Variants in COL4A1 observed in about 807,000 individuals in gnomAD.
COL4A1 encodes collagen type IV alpha 1 chain, also known as collagen alpha-1(IV) chain.
In COL4A1, 40 loss-of-function variants were observed where a neutral mutation model predicts 216.6. That is an observed-to-expected ratio of 0.18 (90% CI 0.14 to 0.24). COL4A1 has a LOEUF of 0.24. COL4A1 is among the 10% of genes least tolerant of loss of function. The pLI is 1.00. For missense variants in COL4A1, 1,628 were observed against 2,196.8 expected, an observed-to-expected ratio of 0.74 and a Z score of 5.18; for synonymous variants, 839 against 810.7, an observed-to-expected ratio of 1.03 and a Z score of -0.59.
chr13:110,260,568 G>A (rs539464534), intron 1 of COL4A1, among the ~76,000 whole-genome samples: 1 of 152,270 alleles, frequency 6.6e-6, no homozygotes, highest in East Asian at 1.9e-4. Context: ...GCCATCTCCG[G>A]CCCAAGCTTT....
chr13:110,213,717 C>T, intron 4 of COL4A1, 65 bp downstream of exon 4: 1 of 1,529,920 alleles, frequency 6.5e-7, no homozygotes, highest in Non-Finnish European at 9.1e-7. Flanking sequence ...GAAAAGGTGC[C>T]CGGCTCTGGA....
chr13:110,278,707 A>T (rs902764698), intron 1 of COL4A1, among the ~76,000 whole-genome samples: 2 of 151,808 alleles, frequency 1.3e-5, no homozygotes, highest in Non-Finnish European at 2.9e-5. Context: ...CTTCATGGGC[A>T]TTTCCTCCTC....
At chr13:110,163,989 T>C (rs1462548782) in intron 46 of COL4A1, among the ~76,000 whole-genome samples, 13 of 56,642 alleles carry the variant, frequency 2.3e-4, no homozygotes, top group African/African-American at 1.0e-3. Context: ...TCTCTCTTTT[T>C]TTTTTTTTTT....
At chr13:110,263,129 C>T (rs944759500) in intron 1 of COL4A1, among the ~76,000 whole-genome samples, 1 of 152,188 alleles carries the variant, frequency 6.6e-6, no homozygotes, top group African/African-American at 2.4e-5. Flanking sequence ...GAACTCAAAG[C>T]CAAGAATACA....
At chr13:110,185,076 A>G (rs546835018) in intron 26 of COL4A1, among the ~76,000 whole-genome samples, 1 of 152,356 alleles carries the variant, frequency 6.6e-6, no homozygotes, top group South Asian at 2.1e-4. Flanking sequence ...GCGAGCCAGA[A>G]CGGCATGCTG....
At chr13:110,220,287 CCCAA>C in intron 2 of COL4A1, among the ~76,000 whole-genome samples, 1 of 152,254 alleles carries the variant, frequency 6.6e-6, no homozygotes, top group East Asian at 1.9e-4. Flanking sequence ...ACCTAACCTA[CCCAA>C]CATCATAGCT....
chr13:110,249,062 T>TA (rs1013442164), intron 1 of COL4A1, among the ~76,000 whole-genome samples: 16 of 151,976 alleles, frequency 1.1e-4, no homozygotes, highest in Admixed American at 1.0e-3. Context: ...AAGAATGCCC[T>TA]AAAAAAGAAT....
At chr13:110,170,460 T>A in intron 42 of COL4A1, 87 bp downstream of exon 42, 3 of 1,415,308 alleles carry the variant, frequency 2.1e-6, no homozygotes, top group Non-Finnish European at 2.9e-6. Flanking sequence ...AAAGCCCAAT[T>A]GAGAATTTAA....
intron 1 of COL4A1, among the ~76,000 whole-genome samples, chr13:110,263,763 T>C (rs1014190194): frequency 5.3e-5 from 8 of 152,262 alleles, no homozygotes; most frequent in African/African-American, 1.4e-4. Flanking sequence ...AAATGGCATA[T>C]TATTTTATAG....
Position 110,233,659 on chromosome 13 carries a change from G to A in COL4A1, c.144+9016C>T, listed in dbSNP as rs139763555. Among the ~76,000 whole-genome samples the A allele has an allele frequency of 1.0e-3, 157 of 152,250 alleles. 1 individual carries two copies. Among genetic ancestry groups the A allele is most frequent in the African/African-American group, 3.4e-3 (143 of 41,560 alleles). On this transcript the variant is annotated intron_variant, in intron 2 of 51. Transcript: ENST00000375820. ...TGGGGAGTTGAAGAAAAGGAGAGTC[G>A]TTTTCCTCACATTTTAAGGGGTAAT...
At position 110,150,186 on chromosome 13, in the gene COL4A1, T is replaced by G. The variant is rs1476938845; in HGVS notation, c.*177A>C. The G allele has an allele frequency of 5.9e-6, 4 of 681,220 alleles. No homozygotes were observed. The African/African-American group carries it at 7.1e-5, about 12-fold the overall frequency. The allele number at this position is 681,220 out of a possible 1,614,324, so 42.2% of individuals were successfully genotyped here. On this transcript the variant is annotated 3_prime_UTR_variant, in exon 52 of 52. Transcript: ENST00000375820. Reference sequence around the variant, plus strand: ...AAAGCTTATCGCTGTCTTTTTCTCCTTCAGCAAGTAGAGGTCAATGAAGCA... The same window carrying G: ...AAAGCTTATCGCTGTCTTTTTCTCCGTCAGCAAGTAGAGGTCAATGAAGCA...
rs148308759 is a variant in COL4A1 at position 110,176,461 on chromosome 13, C to G, written c.3021G>C (p.Pro1007=). The G allele has an allele frequency of 6.2e-7, 1 of 1,614,038 alleles. No homozygotes were observed. Residue 1007 remains proline, a synonymous_variant, in exon 36 of 52, where the codon CCG becomes CCC. Coordinates refer to ENST00000375820, the MANE Select transcript of COL4A1 (RefSeq NM_001845.6). ...ISGTPGAPGL[P]GPKGSVGGMG... ...TTCCACCAACAGATCCTTTTGGTCC[C>G]GGAAGTCCTGGAGCACCTGGGGTTC...
rs3825480 is a variant in COL4A1 at position 110,161,141 on chromosome 13, G to A, written c.4640+51C>T. ...AGAAAACATATGCTTGTCCAGACTA[G>A]AGACTTTTCCTCTTCAATTTTGCAT... On this transcript the variant is annotated intron_variant, in intron 49 of 51. Coordinates refer to ENST00000375820, the MANE Select transcript of COL4A1 (RefSeq NM_001845.6). 3,272 of 1,573,470 alleles carry A rather than the reference G, an allele frequency of 2.1e-3. 106 individuals carry two copies. In the East Asian group the frequency reaches 0.058, roughly 28 times the overall value.
chr13:110,183,417 T>G (rs918016541), intron 26 of COL4A1, 141 bp from the exon 27 acceptor site: 127 of 778,088 alleles, frequency 1.6e-4, no homozygotes, highest in Non-Finnish European at 2.6e-5. Context: ...CTGCCTGTGT[T>G]CTCCACTTCT....
At chr13:110,170,113 AGAAGGAAGGAAGGAAG>A (rs58546192) in intron 42 of COL4A1, among the ~76,000 whole-genome samples, 265 of 123,548 alleles carry the variant, frequency 2.1e-3, no homozygotes, top group African/African-American at 6.7e-3. Context: ...AAGGGAGGAA[AGAAGGAAGGAAGGAAG>A]GAAGGAAGGA....
chr13:110,199,717 G>T (rs1879087503), intron 20 of COL4A1, among the ~76,000 whole-genome samples: 1 of 152,178 alleles, frequency 6.6e-6, no homozygotes, highest in Non-Finnish European at 1.5e-5. Context: ...TTGGGAGGGG[G>T]ACGTGGGTAA....
At position 110,203,616 on chromosome 13, in the gene COL4A1, G is replaced by GA; in HGVS notation, c.958-10dup. On this transcript the variant is annotated splice_polypyrimidine_tract_variant and intron_variant, in intron 17 of 51. Transcript: ENST00000375820. ...GCTTCACCCTTTTCTCCCTACAAAA[G>GA]AAAAAATAACTTTCCTTGCATATTC... 6.2e-7 allele frequency: 1 copy of GA among 1,613,886 alleles called. No individual in the cohort carries two copies. Among genetic ancestry groups the GA allele is most frequent in the Non-Finnish European group, 8.5e-7 (1 of 1,179,912 alleles).
intron 1 of COL4A1, among the ~76,000 whole-genome samples, chr13:110,292,253 G>A (rs1359402014): frequency 1.3e-5 from 2 of 152,184 alleles, no homozygotes; most frequent in African/African-American, 4.8e-5. Flanking sequence ...CCAGCAGTCT[G>A]TGGCATACAT....
At chr13:110,245,922 C>G (rs1443666714) in intron 1 of COL4A1, among the ~76,000 whole-genome samples, 1 of 152,138 alleles carries the variant, frequency 6.6e-6, no homozygotes, top group East Asian at 1.9e-4. Flanking sequence ...CCGGCCTTCC[C>G]CCACCACCTT....
Sources: gnomAD v4.1 joint callset for allele counts (sites outside exome capture counted in the v4.1 genomes callset) on GRCh38, gnomAD v4.1.1 for gene constraint, MANE v1.5 for transcripts, NCBI Gene and HGNC (gene_info 2026-07-23, HGNC 2026-07-21) for gene names.